Variants in MYO5B observed in about 807,000 individuals in gnomAD.
MYO5B encodes myosin VB.
MYO5B carries 143 observed loss-of-function variants against 229.3 expected under a neutral mutation model. The ratio of observed to expected loss-of-function variants is 0.62; its 90% CI spans 0.54 to 0.72. MYO5B has a LOEUF of 0.72. Among genes scored for constraint, MYO5B ranks in the 30% least tolerant of loss-of-function variants. The pLI, the probability that MYO5B is intolerant of heterozygous loss-of-function variation, is 0.00. For missense variants in MYO5B, 2,321 were observed against 2,331.0 expected (o/e 1.00, Z 0.09); for synonymous variants, 918 against 885.2 (o/e 1.04, Z -0.66).
intron 5 of MYO5B, among the ~76,000 whole-genome samples, chr18:49,997,183 G>C (rs1044735237): frequency 6.7e-6 from 1 of 148,878 alleles, no homozygotes; most frequent in Non-Finnish European, 1.5e-5. Flanking sequence ...TAGGAGAATC[G>C]CTGGAGCCCA....
In MYO5B at chr18:49,930,652, G is replaced by T. The variant is rs530375024; in HGVS notation, c.2004-1054C>A. Reference sequence around the variant, plus strand: ...TCATGCCTGTAATCCCAGTACTTTGGGAGGCCGAGGTGGGTGGATCACAAG... The same window carrying T: ...TCATGCCTGTAATCCCAGTACTTTGTGAGGCCGAGGTGGGTGGATCACAAG... On this transcript the variant is annotated intron_variant, in intron 16 of 39. Transcript: ENST00000285039. Among the ~76,000 whole-genome samples the T allele has an allele frequency of 3.6e-4, 55 of 152,264 alleles. No individual in the cohort carries two copies. In the South Asian group the frequency reaches 0.011, roughly 30 times the overall value.
intron 29 of MYO5B, among the ~76,000 whole-genome samples, chr18:49,862,383 G>A (rs973967258): frequency 1.3e-5 from 2 of 152,176 alleles, no homozygotes; most frequent in African/African-American, 4.8e-5. Context: ...CTCATCATGT[G>A]CGCACCACAG....
At chr18:49,863,013 G>A (rs2024349435) in intron 29 of MYO5B, among the ~76,000 whole-genome samples, 1 of 151,666 alleles carries the variant, frequency 6.6e-6, no homozygotes. Flanking sequence ...CCTTTTCAGG[G>A]GACCTGGGCT....
chr18:50,027,272 G>T (rs543650668), intron 4 of MYO5B, among the ~76,000 whole-genome samples: 26 of 152,266 alleles, frequency 1.7e-4, no homozygotes, highest in African/African-American at 5.8e-4. Flanking sequence ...CATGTAGGGT[G>T]ACAAGTTTGA....
intron 31 of MYO5B, among the ~76,000 whole-genome samples, chr18:49,851,975 T>C (rs1428069371): frequency 6.6e-6 from 1 of 151,672 alleles, no homozygotes; most frequent in Non-Finnish European, 1.5e-5. Context: ...CTCAGCAGGC[T>C]GCAAACTGGA....
At chr18:49,952,215 A>G (rs2025437940) in intron 14 of MYO5B, among the ~76,000 whole-genome samples, 1 of 151,994 alleles carries the variant, frequency 6.6e-6, no homozygotes, top group South Asian at 2.1e-4. Flanking sequence ...ATCTCATCCT[A>G]TTGCATTCAT....
intron 3 of MYO5B, among the ~76,000 whole-genome samples, chr18:50,039,629 C>T (rs1381210364): frequency 2.6e-5 from 4 of 152,094 alleles, no homozygotes; most frequent in Admixed American, 6.5e-5. Flanking sequence ...CTGCGCCCGG[C>T]GGAAAGGAAA....
chr18:50,148,147 C>G (rs1223576540), intron 1 of MYO5B, among the ~76,000 whole-genome samples: 1 of 151,260 alleles, frequency 6.6e-6, no homozygotes, highest in Admixed American at 6.6e-5. Flanking sequence ...GAAGTTGAAT[C>G]TCTGAATAGA....
Position 49,835,396 on chromosome 18 carries a change from G to A in MYO5B, c.5342C>T (p.Pro1781Leu). ...TACCCGTTCTTCAAATTCATTCAGG[G>A]GAGTATAAAGGTTTAAAATTTTGAC... is the stretch of plus-strand genomic sequence containing the variant. Reference protein sequence around the residue: ...QIVKILNLYTPLNEFEERVTV... With the variant: ...QIVKILNLYTLLNEFEERVTV... The change falls in exon 39 of 40, where the codon CCC becomes CTC. Residue 1781 changes from proline to leucine, a missense_variant. By Grantham distance (98) the Pro-to-Leu change is moderately conservative (BLOSUM62 -3). This residue lies in a region of MYO5B where 208 missense variants were observed against 286.3 expected (regional missense o/e 0.73). Coordinates refer to ENST00000285039, the MANE Select transcript of MYO5B (RefSeq NM_001080467.3). 5 of 1,612,316 alleles carry A rather than the reference G, an allele frequency of 3.1e-6. No individual in the cohort carries two copies. Among genetic ancestry groups the A allele is most frequent in the Non-Finnish European group, 4.2e-6 (5 of 1,179,334 alleles).
intron 1 of MYO5B, among the ~76,000 whole-genome samples, chr18:50,165,014 A>T (rs1195634959): frequency 6.6e-6 from 1 of 152,214 alleles, no homozygotes; most frequent in Non-Finnish European, 1.5e-5. Context: ...GGTATCTGGC[A>T]GGGCTTTGGA....
At chr18:50,067,366 C>A (rs1192625671) in intron 1 of MYO5B, among the ~76,000 whole-genome samples, 2 of 152,160 alleles carry the variant, frequency 1.3e-5, no homozygotes, top group Non-Finnish European at 2.9e-5. Flanking sequence ...CTGCTGCCTT[C>A]CTTCAACCCA....
At chr18:49,985,003 A>C (rs1054767829) in intron 7 of MYO5B, among the ~76,000 whole-genome samples, 178 bp from the exon 8 acceptor site, 2 of 152,212 alleles carry the variant, frequency 1.3e-5, no homozygotes. Flanking sequence ...GAGAAAACTG[A>C]ATAGTACAAG....
chr18:50,072,758 G>C (rs2030988371), intron 1 of MYO5B, among the ~76,000 whole-genome samples: 1 of 152,194 alleles, frequency 6.6e-6, no homozygotes, highest in African/African-American at 2.4e-5. Flanking sequence ...TTGGAAACCA[G>C]TACAGGATTG....
intron 3 of MYO5B, among the ~76,000 whole-genome samples, chr18:50,037,642 G>A (rs1568080694): frequency 6.6e-6 from 1 of 152,198 alleles, no homozygotes; most frequent in Admixed American, 6.5e-5. Context: ...GCTCATGCCT[G>A]TAATCCCAGC....
intron 39 of MYO5B, 139 bp from the exon 40 acceptor site, chr18:49,826,762 G>T: frequency 9.7e-7 from 1 of 1,027,266 alleles, no homozygotes; most frequent in Non-Finnish European, 1.5e-6. Flanking sequence ...CTAGGAGAAT[G>T]TGATCTCCTC....
chr18:50,189,385 A>C (rs2033197304), intron 1 of MYO5B, among the ~76,000 whole-genome samples: 1 of 152,222 alleles, frequency 6.6e-6, no homozygotes, highest in Non-Finnish European at 1.5e-5. Flanking sequence ...AAGAAACTGA[A>C]AACAGTATGG....
At chr18:50,091,629 G>A (rs2031450366) in intron 1 of MYO5B, among the ~76,000 whole-genome samples, 1 of 152,138 alleles carries the variant, frequency 6.6e-6, no homozygotes, top group Admixed American at 6.5e-5. Flanking sequence ...TCCCATTGCT[G>A]GAGGCTGTTT....
intron 2 of MYO5B, 138 bp from the exon 3 acceptor site, chr18:50,040,452 G>C: frequency 1.0e-6 from 1 of 971,826 alleles, no homozygotes; most frequent in Non-Finnish European, 1.6e-6. Context: ...AGAAAGACAA[G>C]CTGAACAAAA....
At chr18:50,038,306 A>G (rs908752849) in intron 3 of MYO5B, among the ~76,000 whole-genome samples, 1 of 152,210 alleles carries the variant, frequency 6.6e-6, no homozygotes, top group Non-Finnish European at 1.5e-5. Context: ...AGTCTCCGAC[A>G]TTGTGTTCCC....
Sources: allele counts gnomAD v4.1 joint callset (sites outside exome capture counted in the v4.1 genomes callset), GRCh38; gene constraint gnomAD v4.1.1; regional missense constraint gnomAD v4.1.1; transcripts MANE v1.5; gene names NCBI Gene and HGNC (gene_info 2026-07-23, HGNC 2026-07-21).